The following CDH13 variants were observed in gnomAD, a reference collection of about 807,000 sequenced individuals.
CDH13 encodes the protein cadherin 13.
A neutral mutation model predicts 63.8 loss-of-function variants in CDH13; 24 were observed. The ratio of observed to expected loss-of-function variants is 0.38; its 90% CI spans 0.27 to 0.53. The LOEUF is 0.53. CDH13 is among the 20% of genes least tolerant of loss of function. CDH13 has a pLI of 0.85. For synonymous variants in CDH13, 503 were observed against 355.3 expected, an observed-to-expected ratio of 1.42 and a Z score of -4.67; for missense variants, 1,049 against 903.1, an observed-to-expected ratio of 1.16 and a Z score of -2.07.
chr16:83,200,964 TGTG>T (rs1305967195), intron 4 of CDH13, among the ~76,000 whole-genome samples: 22 of 141,226 alleles, frequency 1.6e-4, no homozygotes, highest in Non-Finnish European at 4.6e-5. Flanking sequence ...TGTGTGTGTG[TGTG>T]TGTGTTATTG....
chr16:83,160,080 A>C (rs2037382345), intron 4 of CDH13, among the ~76,000 whole-genome samples: 2 of 151,950 alleles, frequency 1.3e-5, no homozygotes, highest in African/African-American at 4.8e-5. Context: ...TGTCTCAAAA[A>C]ATAAAGAGAA....
chr16:83,301,423 G>A (rs998841894), intron 5 of CDH13, among the ~76,000 whole-genome samples: 1 of 152,066 alleles, frequency 6.6e-6, no homozygotes, highest in African/African-American at 2.4e-5. Context: ...GTGCCGTGCT[G>A]GTTTTACCCA....
chr16:82,639,232 A>T, intron 1 of CDH13: 2 of 503,828 alleles, frequency 4.0e-6, no homozygotes, highest in Admixed American at 3.5e-5. Flanking sequence ...TACTTTTTTG[A>T]GTTCCTAGTC....
At chr16:82,750,250 G>A (rs188086902) in intron 1 of CDH13, among the ~76,000 whole-genome samples, 4 of 152,242 alleles carry the variant, frequency 2.6e-5, no homozygotes, top group African/African-American at 9.6e-5. Flanking sequence ...CTTTATTGCT[G>A]AGTAAATAAA....
intron 6 of CDH13, among the ~76,000 whole-genome samples, chr16:83,457,974 A>C (rs1277582514): frequency 6.6e-6 from 1 of 152,210 alleles, no homozygotes; most frequent in African/African-American, 2.4e-5. Context: ...GCCTGAGCAG[A>C]AACAAAAGAG....
chr16:83,334,795 G>C (rs10514577), intron 5 of CDH13, among the ~76,000 whole-genome samples: 60,538 of 151,952 alleles, frequency 0.4, 12,469 homozygotes, highest in Admixed American at 0.46. Context: ...TTATCAGTAT[G>C]TCTTTGTTTA....
chr16:83,394,004 C>G (rs958409657), intron 6 of CDH13, among the ~76,000 whole-genome samples: 3 of 152,076 alleles, frequency 2.0e-5, no homozygotes, highest in African/African-American at 7.2e-5. Flanking sequence ...GAACAGAAAT[C>G]CAAATACCGC....
At chr16:82,756,970 G>A (rs1220016962) in intron 1 of CDH13, among the ~76,000 whole-genome samples, 2 of 152,122 alleles carry the variant, frequency 1.3e-5, no homozygotes, top group African/African-American at 2.4e-5. Flanking sequence ...TCAGTGGCTG[G>A]CACATTATCT....
At chr16:83,192,288 C>T (rs573377037) in intron 4 of CDH13, among the ~76,000 whole-genome samples, 6 of 152,288 alleles carry the variant, frequency 3.9e-5, no homozygotes, top group South Asian at 2.1e-4. Flanking sequence ...CAGGTAACTA[C>T]GTAGTGTCTG....
intron 5 of CDH13, among the ~76,000 whole-genome samples, chr16:83,259,641 A>AT (rs201393522): frequency 1.1e-3 from 163 of 152,022 alleles, no homozygotes; most frequent in East Asian, 3.3e-3. Flanking sequence ...TCAGTCTCAA[A>AT]TTTTTTTTTA....
intron 7 of CDH13, among the ~76,000 whole-genome samples, chr16:83,506,517 C>G (rs2074400497): frequency 6.6e-6 from 1 of 152,198 alleles, no homozygotes; most frequent in Non-Finnish European, 1.5e-5. Context: ...CCAATGGCAT[C>G]AGCATTTTCT....
chr16:83,031,300 T>TGCA (rs1193917930), intron 2 of CDH13, among the ~76,000 whole-genome samples: 4 of 143,606 alleles, frequency 2.8e-5, no homozygotes, highest in African/African-American at 7.6e-5. Context: ...TGCGCATGTA[T>TGCA]CCATGCGCAT....
chr16:83,509,220 G>A (rs1226689445), intron 7 of CDH13, among the ~76,000 whole-genome samples: 2 of 152,234 alleles, frequency 1.3e-5, no homozygotes, highest in African/African-American at 4.8e-5. Flanking sequence ...ATAGCAGGGA[G>A]GCGGCCATGG....
At chr16:83,061,071 A>G (rs913581558) in intron 3 of CDH13, among the ~76,000 whole-genome samples, 1 of 152,192 alleles carries the variant, frequency 6.6e-6, no homozygotes, top group African/African-American at 2.4e-5. Context: ...GGACTAAGGT[A>G]TTGCGCTCTC....
At chr16:82,847,630 C>A (rs2039315539) in intron 1 of CDH13, among the ~76,000 whole-genome samples, 1 of 152,198 alleles carries the variant, frequency 6.6e-6, no homozygotes, top group African/African-American at 2.4e-5. Context: ...ACCTTAATTA[C>A]CCTTTGCCAT....
intron 7 of CDH13, among the ~76,000 whole-genome samples, chr16:83,522,341 A>T (rs968871518): frequency 5.9e-5 from 9 of 152,176 alleles, no homozygotes; most frequent in African/African-American, 2.2e-4. Context: ...CGTCCATCTT[A>T]TGTCAATTTG....
intron 7 of CDH13, among the ~76,000 whole-genome samples, chr16:83,500,948 G>A (rs1480818060): frequency 1.3e-5 from 2 of 152,090 alleles, no homozygotes; most frequent in Non-Finnish European, 2.9e-5. Flanking sequence ...CAGGAATCAT[G>A]GCCTCCGTTA....
chr16:83,747,396 C>T (rs900192766), intron 10 of CDH13, among the ~76,000 whole-genome samples: 3 of 152,134 alleles, frequency 2.0e-5, no homozygotes, highest in Admixed American at 1.3e-4. Flanking sequence ...TTCACTCTCT[C>T]GTCTGCCACC....
At chr16:83,646,608 G>C (rs776372893) in intron 8 of CDH13, among the ~76,000 whole-genome samples, 2 of 146,908 alleles carry the variant, frequency 1.4e-5, no homozygotes, top group African/African-American at 5.0e-5. Flanking sequence ...GGCTGAGGCA[G>C]GAGAATTGCT....
Sources: allele counts gnomAD v4.1 joint callset (sites outside exome capture counted in the v4.1 genomes callset), GRCh38; gene constraint gnomAD v4.1.1; transcripts MANE v1.5; gene names NCBI Gene and HGNC (gene_info 2026-07-23, HGNC 2026-07-21).